RMDN2: variants seen among roughly 807,000 people sequenced by gnomAD.
RMDN2 encodes regulator of microtubule dynamics protein 2.
A neutral mutation model predicts 52.8 loss-of-function variants in RMDN2; 61 were observed. The ratio of observed to expected loss-of-function variants is 1.16; its 90% CI spans 0.94 to 1.43. RMDN2 has a LOEUF of 1.43. Among genes scored for constraint, RMDN2 ranks in the 40% most tolerant of loss-of-function variants. RMDN2 has a pLI of 0.00. For missense variants in RMDN2, 592 were observed against 475.3 expected, an observed-to-expected ratio of 1.25 and a Z score of -2.28; for synonymous variants, 180 against 153.1, an observed-to-expected ratio of 1.18 and a Z score of -1.30.
chr2:38,006,324 C>T (rs1336553078), intron 10 of RMDN2, among the ~76,000 whole-genome samples: 1 of 152,172 alleles, frequency 6.6e-6, no homozygotes, highest in East Asian at 1.9e-4. Context: ...ATTGATTCTT[C>T]CTACCCATGA....
rs978639498 is a variant in RMDN2, at chr2:38,030,976, T to TA, written c.1713+26772dup. ...AAGGCAGCTAAAAAAGATAGACTTC[T>TA]AAAAAAAAAAAAGACTTCTTGAAAT... On this transcript the variant is annotated intron_variant, in intron 10 of 10. Coordinates refer to the RMDN2 transcript ENST00000234195. Among the ~76,000 whole-genome samples the TA allele has an allele frequency of 8.6e-3, 1,238 of 143,686 alleles. 16 individuals are homozygous for TA. Among genetic ancestry groups the TA allele is most frequent in the African/African-American group, 0.027 (1,047 of 39,310 alleles). The allele number at this position is 143,686 out of a possible 152,430, so 94.3% of individuals were successfully genotyped here. A position where few individuals can be genotyped will look rare whatever the true frequency, so the allele number is the denominator to read the frequency against.
At chr2:38,022,731 T>G (rs1410831350), downstream of RMDN2, among the ~76,000 whole-genome samples, 1 of 152,236 alleles carries the variant, frequency 6.6e-6, no homozygotes, top group Non-Finnish European at 1.5e-5. Context: ...TCCATGCCAC[T>G]TCTCATTTGT....
intron 10 of RMDN2, among the ~76,000 whole-genome samples, chr2:38,043,760 A>G (rs1681104827): frequency 6.6e-6 from 1 of 152,100 alleles, no homozygotes; most frequent in Non-Finnish European, 1.5e-5. Flanking sequence ...TAGCACAGAC[A>G]TCTTTTAGTA....
chr2:37,992,090 AT>A (rs989618365), intron 7 of RMDN2, among the ~76,000 whole-genome samples: 2 of 152,178 alleles, frequency 1.3e-5, no homozygotes, highest in African/African-American at 4.8e-5. Context: ...TGTCCTTTAT[AT>A]TTCTTGCTGC....
downstream of RMDN2, among the ~76,000 whole-genome samples, chr2:38,018,879 T>TGCACGCACAC (rs1679117899): frequency 6.6e-6 from 1 of 152,186 alleles, no homozygotes; most frequent in African/African-American, 2.4e-5. Flanking sequence ...TGGGTGCACA[T>TGCACGCACAC]GCACGCACAC....
chr2:38,011,769 G>A (rs975356228), intron 10 of RMDN2, among the ~76,000 whole-genome samples: 1 of 152,222 alleles, frequency 6.6e-6, no homozygotes, highest in Admixed American at 6.5e-5. Context: ...ATAATATGGA[G>A]TTGTGGGCAA....
At chr2:38,039,072 A>G (rs1680784089) in intron 10 of RMDN2, among the ~76,000 whole-genome samples, 1 of 123,464 alleles carries the variant, frequency 8.1e-6, no homozygotes, top group Non-Finnish European at 1.9e-5. Flanking sequence ...ACACACACAC[A>G]CACACACACA....
At chr2:38,008,137 A>G (rs1000544814) in intron 10 of RMDN2, among the ~76,000 whole-genome samples, 1 of 152,098 alleles carries the variant, frequency 6.6e-6, no homozygotes, top group Non-Finnish European at 1.5e-5. Flanking sequence ...TGTGTGGTCA[A>G]TTTTGGAATA....
At chr2:37,974,464 C>T (rs917510769) in intron 3 of RMDN2, among the ~76,000 whole-genome samples, 2 of 115,026 alleles carry the variant, frequency 1.7e-5, no homozygotes, top group Non-Finnish European at 4.2e-5. Context: ...GCTATAATTA[C>T]GCAGATTTAC....
chr2:37,932,891 G>A (rs1666928814), intron 2 of RMDN2, among the ~76,000 whole-genome samples: 2 of 149,308 alleles, frequency 1.3e-5, no homozygotes, highest in Admixed American at 6.6e-5. Flanking sequence ...CCTCCCGGAC[G>A]GGGCGGCTGG....
intron 10 of RMDN2, among the ~76,000 whole-genome samples, chr2:38,042,981 A>T (rs1177848709): frequency 6.6e-6 from 1 of 152,130 alleles, no homozygotes; most frequent in Non-Finnish European, 1.5e-5. Flanking sequence ...GCTCTATTGG[A>T]TGGAGAATTC....
At chr2:38,038,434 A>C (rs2125284895) in intron 10 of RMDN2, among the ~76,000 whole-genome samples, 1 of 152,236 alleles carries the variant, frequency 6.6e-6, no homozygotes, top group Admixed American at 6.5e-5. Context: ...CCGGGAGGAA[A>C]ACTGATACCC....
chr2:37,929,767 T>C, intron 2 of RMDN2, 38 bp downstream of exon 2: 2 of 1,286,768 alleles, frequency 1.6e-6, no homozygotes, highest in Non-Finnish European at 2.1e-6. Context: ...TTGAATTGGT[T>C]ATTATCATTA....
rs1328193795 is a variant in RMDN2, at chr2:37,980,894, A to G, written c.731-389A>G. Among the ~76,000 whole-genome samples, 3 of 151,492 alleles carry G rather than the reference A, an allele frequency of 2.0e-5. No individual in the cohort carries two copies. The East Asian group carries it at 5.8e-4, about 29-fold the overall frequency. On this transcript the variant is annotated intron_variant, in intron 4 of 10. Transcript: ENST00000354545. ...AGGACTCTGTCTTATTTTACATTTT[A>G]TTCCCAGACACTCACACAGTATGGC...
chr2:37,958,240 T>C (rs1303807097), intron 2 of RMDN2, among the ~76,000 whole-genome samples: 1 of 152,218 alleles, frequency 6.6e-6, no homozygotes, highest in Admixed American at 6.5e-5. Flanking sequence ...TGGGGCAGTA[T>C]GGCCATTTTC....
chr2:37,932,539 G>A (rs574826829), intron 2 of RMDN2, among the ~76,000 whole-genome samples: 9 of 149,092 alleles, frequency 6.0e-5, no homozygotes, highest in South Asian at 2.1e-4. Flanking sequence ...CCACAAAACC[G>A]CCATTGTCAT....
chr2:38,015,563 CAAAAA>C (rs397984334), intron 10 of RMDN2, among the ~76,000 whole-genome samples: 19 of 98,600 alleles, frequency 1.9e-4, no homozygotes, highest in Non-Finnish European at 3.4e-4. Context: ...GACTCCGTCT[CAAAAA>C]AAAAAAAAAA....
At chr2:37,939,701 G>A (rs1257096778) in intron 2 of RMDN2, among the ~76,000 whole-genome samples, 1 of 152,168 alleles carries the variant, frequency 6.6e-6, no homozygotes, top group African/African-American at 2.4e-5. Flanking sequence ...TCAGAGACTA[G>A]TATTGCAAAC....
At position 37,975,301 on chromosome 2, in the gene RMDN2, T is replaced by G. The variant is rs1300503094; in HGVS notation, c.717T>G (p.His239Gln). The change falls in exon 4 of 11, where the codon CAT becomes CAG. Residue 239 changes from histidine (H) to glutamine (Q), a missense_variant. Transcript: ENST00000354545. ...ELSTNTQEKK[H>Q]YANIGKTLSE... ...CTACAAACACACAAGAAAAGAAACA[T>G]TATGCTAATATTGGTAAGCATTTTG... 1 of 1,580,804 alleles carries G rather than the reference T, an allele frequency of 6.3e-7. No individual in the cohort carries two copies. Among genetic ancestry groups the G allele is most frequent in the Non-Finnish European group, 8.7e-7 (1 of 1,150,322 alleles).
Sources: gnomAD v4.1 joint callset for allele counts (sites outside exome capture counted in the v4.1 genomes callset) on GRCh38, gnomAD v4.1.1 for gene constraint, MANE v1.5 for transcripts, NCBI Gene and HGNC (gene_info 2026-07-23, HGNC 2026-07-21) for gene names.